The following SLC25A16 variants were observed in gnomAD, a reference collection of about 807,000 sequenced individuals.
The protein encoded by SLC25A16 is mitochondrial coenzyme A transporter SLC25A16.
SLC25A16 carries 39 observed loss-of-function variants against 41.5 expected under a neutral mutation model. The observed-to-expected ratio is 0.94, with a 90% CI of 0.73 to 1.23. The LOEUF (loss-of-function observed/expected upper bound fraction) is 1.23, where lower values mean the gene tolerates loss of function less well. Ranked by LOEUF, SLC25A16 falls within the 50% of genes most tolerant of loss-of-function variation. The probability of loss-of-function intolerance (pLI) is 0.00; values close to 1 mark genes in which losing one functional copy is unlikely to be tolerated. For missense variants in SLC25A16, 421 were observed against 426.9 expected (o/e 0.99, Z 0.12); for synonymous variants, 146 against 147.8 (o/e 0.99, Z 0.09).
intron 3 of SLC25A16, among the ~76,000 whole-genome samples, chr10:68,504,610 C>T (rs909642146): frequency 2.0e-5 from 3 of 150,560 alleles, no homozygotes; most frequent in African/African-American, 7.3e-5. Flanking sequence ...ATCTCCTGAA[C>T]TTGTGATCCG....
At chr10:68,488,245 G>A (rs1159427055) in intron 7 of SLC25A16, among the ~76,000 whole-genome samples, 1 of 152,044 alleles carries the variant, frequency 6.6e-6, no homozygotes, top group Non-Finnish European at 1.5e-5. Context: ...AGTCTCCCAA[G>A]TAGCTGGGAC....
At chr10:68,512,195 G>A (rs905395826) in intron 2 of SLC25A16, among the ~76,000 whole-genome samples, 4 of 152,076 alleles carry the variant, frequency 2.6e-5, no homozygotes, top group African/African-American at 9.7e-5. Context: ...GCCAAGACAG[G>A]TGGGTCAGAC....
At chr10:68,489,162 G>A (rs1332247310) in intron 6 of SLC25A16, among the ~76,000 whole-genome samples, 2 of 152,056 alleles carry the variant, frequency 1.3e-5, no homozygotes, top group Non-Finnish European at 2.9e-5. Context: ...CCAGCTACTC[G>A]GGAGGCTGAG....
chr10:68,485,044 T>C (rs1402543753), intron 8 of SLC25A16, among the ~76,000 whole-genome samples: 2 of 152,146 alleles, frequency 1.3e-5, no homozygotes, highest in Non-Finnish European at 2.9e-5. Context: ...TGATAAAAGT[T>C]TAGGTTAAAC....
intron 8 of SLC25A16, 94 bp downstream of exon 8, chr10:68,487,050 T>C: frequency 3.7e-6 from 3 of 806,008 alleles, no homozygotes; most frequent in Non-Finnish European, 6.0e-6. Flanking sequence ...AAACGGAAGA[T>C]ACAGACTATT....
At position 68,483,545 on chromosome 10, in the gene SLC25A16, T is replaced by C. The variant is rs1320579932; in HGVS notation, c.886A>G (p.Ile296Val). 6.2e-7 allele frequency: 1 copy of C among 1,611,562 alleles called. No homozygotes were observed. Among genetic ancestry groups the C allele is most frequent in the East Asian group, 2.2e-5 (1 of 44,866 alleles). The change falls in exon 9 of 9, where the codon ATT becomes GTT. Residue 296 changes from isoleucine to valine, a missense_variant. By Grantham distance (29) the Ile-to-Val change is conservative. Coordinates refer to ENST00000609923, the MANE Select transcript of SLC25A16 (RefSeq NM_152707.4). ...TMKYVYGHHG[I>V]RKGLYRGLSL... ...AAACCACGATAGAGTCCTTTTCGAA[T>C]TCCATGGTGTCCATAGACATACTTC...
At chr10:68,505,618 CA>C (rs1161757471) in intron 3 of SLC25A16, among the ~76,000 whole-genome samples, 1 of 151,896 alleles carries the variant, frequency 6.6e-6, no homozygotes, top group African/African-American at 2.4e-5. Flanking sequence ...ACTAAAAATA[CA>C]AAATTAGCCA....
intron 4 of SLC25A16, among the ~76,000 whole-genome samples, chr10:68,494,828 G>A (rs1166316630): frequency 3.3e-5 from 5 of 150,042 alleles, no homozygotes; most frequent in Admixed American, 2.0e-4. Flanking sequence ...GCAGTGAGCC[G>A]AGATAGTGCC....
At chr10:68,518,807 A>AATT (rs1564929124) in intron 1 of SLC25A16, among the ~76,000 whole-genome samples, 17 of 107,702 alleles carry the variant, frequency 1.6e-4, no homozygotes, top group African/African-American at 5.6e-4. Flanking sequence ...ATAAATAAAT[A>AATT]AATTAAATAA....
At chr10:68,485,850 T>G (rs1325477820) in intron 8 of SLC25A16, among the ~76,000 whole-genome samples, 3 of 146,322 alleles carry the variant, frequency 2.1e-5, no homozygotes, top group African/African-American at 7.7e-5. Flanking sequence ...CAGGCTGGAG[T>G]GCAGTGGTGC....
intron 4 of SLC25A16, among the ~76,000 whole-genome samples, chr10:68,498,004 G>T (rs1382968306): frequency 6.6e-6 from 1 of 152,050 alleles, no homozygotes; most frequent in East Asian, 1.9e-4. Flanking sequence ...GCCTCCCAAA[G>T]AACTGGGTTT....
chr10:68,517,027 T>TAAC (rs2053172198), intron 1 of SLC25A16, 184 bp from the exon 2 acceptor site: 1 of 1,211,588 alleles, frequency 8.3e-7, no homozygotes, highest in Non-Finnish European at 1.1e-6. Flanking sequence ...GTGAGCATGA[T>TAAC]TACACTGCTA....
chr10:68,524,051 C>T (rs1174905043), intron 1 of SLC25A16, among the ~76,000 whole-genome samples: 1 of 142,986 alleles, frequency 7.0e-6, no homozygotes, highest in Non-Finnish European at 1.5e-5. Context: ...TGGCTCACGC[C>T]TGTAATCCCA....
intron 4 of SLC25A16, among the ~76,000 whole-genome samples, chr10:68,494,497 AGGGAGGGGAGGAGAGAC>A (rs796828576): frequency 2.7e-4 from 9 of 33,748 alleles, no homozygotes; most frequent in East Asian, 6.7e-4. Flanking sequence ...GAAGGGGAGG[AGGGAGGGGAGGAGAGAC>A]GGGAGGGGAG....
chr10:68,510,717 A>G (rs2053047538), intron 2 of SLC25A16, among the ~76,000 whole-genome samples: 1 of 152,112 alleles, frequency 6.6e-6, no homozygotes, highest in South Asian at 2.1e-4. Context: ...ATGTAGCTGC[A>G]GTCCCAGCTA....
intron 4 of SLC25A16, among the ~76,000 whole-genome samples, chr10:68,500,594 T>C (rs1052517423): frequency 2.7e-5 from 4 of 149,776 alleles, no homozygotes; most frequent in African/African-American, 9.8e-5. Context: ...AGGCAAGAGC[T>C]ACTGTGCCCG....
At chr10:68,490,591 C>A (rs766707931) in intron 6 of SLC25A16, among the ~76,000 whole-genome samples, 6 of 151,916 alleles carry the variant, frequency 3.9e-5, no homozygotes, top group Non-Finnish European at 5.9e-5. Context: ...TCCACTCCCC[C>A]TCGGCCTCCC....
At position 68,488,737 on chromosome 10, in the gene SLC25A16, TA is replaced by T. The variant is rs2052607156; in HGVS notation, c.611-109del. 4.6e-6 allele frequency: 4 copies of T among 861,948 alleles called. No individual in the cohort carries two copies. In the South Asian group the frequency reaches 7.1e-5, roughly 15 times the overall value. The allele number at this position is 861,948 out of a possible 1,614,324, so 53.4% of individuals were successfully genotyped here. ...ATTTCCTAATTTCTGGTGTTTGGCTTAATTTAAAATAGAAAGATTTGTGTAC... is the reference window on the plus strand; with the variant it reads ...ATTTCCTAATTTCTGGTGTTTGGCTTATTTAAAATAGAAAGATTTGTGTAC... On this transcript the variant is annotated intron_variant, in intron 6 of 8. Coordinates refer to ENST00000609923, the MANE Select transcript of SLC25A16 (RefSeq NM_152707.4).
Position 68,478,127 on chromosome 10 carries a change from G to C in SLC25A16, c.*5305C>G, listed in dbSNP as rs370642150. On this transcript the variant is annotated 3_prime_UTR_variant, in exon 9 of 9. Transcript: ENST00000609923. The stretch of plus-strand genomic sequence containing the variant: ...AAAGAATAGGCTCTAGATTCAGACC[G>C]GCTGAATTTGAATCCTAGATCTGCC... 6.6e-6 allele frequency: 1 copy of C among 152,106 alleles called. No individual in the cohort carries two copies. Among genetic ancestry groups the C allele is most frequent in the South Asian group, 2.1e-4 (1 of 4,822 alleles). 9.4% of individuals were successfully genotyped at this position (152,106 alleles called of 1,614,324 possible).
Sources: allele counts gnomAD v4.1 joint callset (sites outside exome capture counted in the v4.1 genomes callset), GRCh38; gene constraint gnomAD v4.1.1; transcripts MANE v1.5; gene names NCBI Gene and HGNC (gene_info 2026-07-23, HGNC 2026-07-21).